Variants in ENDOV observed in about 807,000 individuals in gnomAD.
ENDOV encodes hEndoV.
ENDOV carries 37 observed loss-of-function variants against 39.4 expected under a neutral mutation model. That is an observed-to-expected ratio of 0.94 (90% confidence interval 0.72 to 1.23). The LOEUF (loss-of-function observed/expected upper bound fraction) is 1.23. Ranked by LOEUF, ENDOV falls within the 50% of genes most tolerant of loss-of-function variation. ENDOV has a pLI of 0.00. For missense variants in ENDOV, 441 were observed against 375.7 expected (o/e 1.17, Z -1.44); for synonymous variants, 186 against 163.4 (o/e 1.14, Z -1.05).
At chr17:80,428,474 C>CTG (rs2083001205) in intron 7 of ENDOV, 122 bp from the exon 8 acceptor site, 1 of 931,316 alleles carries the variant, frequency 1.1e-6, no homozygotes, top group Non-Finnish European at 1.6e-6. Flanking sequence ...GAAGAACTGG[C>CTG]TGTGACCTGT....
chr17:80,431,649 C>T (rs1288545973), intron 9 of ENDOV, among the ~76,000 whole-genome samples: 3 of 145,722 alleles, frequency 2.1e-5, no homozygotes, highest in Admixed American at 7.0e-5. Flanking sequence ...GTGTCAGTGG[C>T]CCCGGACTGG....
At position 80,428,585 on chromosome 17, in the gene ENDOV, G is replaced by A; in HGVS notation, c.715-11G>A. 1 of 1,574,860 alleles carries A rather than the reference G, an allele frequency of 6.3e-7. No homozygotes were observed. The highest frequency in any genetic ancestry group is 1.2e-5 in the South Asian group (1 of 85,612). ...CAGCTCAGCACCCAGCAGCACGTCT[G>A]TCTCCCCCAGGCTGACATCTGCTCC... On this transcript the variant is annotated splice_polypyrimidine_tract_variant and intron_variant, in intron 7 of 9. Transcript: ENST00000518137.
chr17:80,427,657 C>G, intron 7 of ENDOV: 2 of 1,239,848 alleles, frequency 1.6e-6, no homozygotes, highest in Middle Eastern at 2.3e-4. Flanking sequence ...AGCTCACTCA[C>G]CTCTCAACAG....
rs1184005988 is a variant in ENDOV at position 80,427,652 on chromosome 17, A to G, written c.715-944A>G. On this transcript the variant is annotated intron_variant, in intron 7 of 9. Coordinates refer to ENST00000518137, the MANE Select transcript of ENDOV (RefSeq NM_173627.5). Reference sequence around the variant, plus strand: ...CTCGGTCCATTTTCTTCCTGAGCTCACTCACCTCTCAACAGGTTCACCTCC... The same window carrying G: ...CTCGGTCCATTTTCTTCCTGAGCTCGCTCACCTCTCAACAGGTTCACCTCC... 1.6e-5 allele frequency: 20 copies of G among 1,215,732 alleles called. No homozygotes were observed. The South Asian group carries it at 2.2e-4, about 13-fold the overall frequency. 75.3% of individuals were successfully genotyped at this position (1,215,732 alleles called of 1,614,324 possible).
rs187938960 is a variant in ENDOV at position 80,415,307 on chromosome 17, G to A, written c.56+57G>A. 4 of 1,587,920 alleles carry A rather than the reference G, an allele frequency of 2.5e-6. No homozygotes were observed. In the East Asian group the frequency reaches 9.0e-5, roughly 36 times the overall value. ...GGGCCGAGGCCGGGCGGCCCTTCGC[G>A]GACCCTCCGAGCTCATAGTCTTCAG... On this transcript the variant is annotated intron_variant, in intron 1 of 9. Coordinates refer to ENST00000518137, the MANE Select transcript of ENDOV (RefSeq NM_173627.5).
chr17:80,435,385 G>T (rs1487583263), intron 9 of ENDOV, among the ~76,000 whole-genome samples: 1 of 152,182 alleles, frequency 6.6e-6, no homozygotes, highest in Non-Finnish European at 1.5e-5. Flanking sequence ...GATCCATTTT[G>T]ACTTAAATTT....
Position 80,425,072 on chromosome 17 carries a change from T to A in ENDOV, c.557T>A (p.Leu186Gln). ...LQTRGDSFPL[L>Q]GDSGTVLGMA... ...ACTCGAGGAGACTCATTCCCTCTGC[T>A]GGGAGACTCTGGGACTGTCCTGGGA... Residue 186 changes from leucine to glutamine, a missense_variant, in exon 6 of 10, where the codon CTG (leucine) becomes CAG (glutamine). Transcript: ENST00000518137. 6.2e-7 allele frequency: 1 copy of A among 1,611,308 alleles called. No homozygotes were observed. The highest frequency in any genetic ancestry group is 8.5e-7 in the Non-Finnish European group (1 of 1,178,822).
chr17:80,435,796 T>TC (rs35491764), intron 9 of ENDOV, among the ~76,000 whole-genome samples: 1 of 151,270 alleles, frequency 6.6e-6, no homozygotes, highest in African/African-American at 2.4e-5. Flanking sequence ...TTTTTTTTTT[T>TC]CAGTAGAGAC....
intron 9 of ENDOV, among the ~76,000 whole-genome samples, chr17:80,434,307 T>C (rs2083483586): frequency 6.6e-6 from 1 of 152,264 alleles, no homozygotes; most frequent in Non-Finnish European, 1.5e-5. Flanking sequence ...GGCTGAGTCA[T>C]ATTCCATCAT....
chr17:80,435,958 T>C (rs2083570376), intron 9 of ENDOV, among the ~76,000 whole-genome samples, 175 bp from the exon 10 acceptor site: 1 of 152,162 alleles, frequency 6.6e-6, no homozygotes. Flanking sequence ...TCTCACCATG[T>C]TACCCAGGCT....
intron 7 of ENDOV, among the ~76,000 whole-genome samples, chr17:80,426,068 C>T (rs937984611): frequency 6.6e-6 from 1 of 152,172 alleles, no homozygotes; most frequent in Non-Finnish European, 1.5e-5. Context: ...TTGGGTATGC[C>T]CGCCCCAGGA....
At chr17:80,424,752 G>A (rs1221756829) in intron 5 of ENDOV, among the ~76,000 whole-genome samples, 8 of 152,126 alleles carry the variant, frequency 5.3e-5, no homozygotes, top group African/African-American at 1.2e-4. Flanking sequence ...TTAGGAGATC[G>A]AGACCATCCT....
In ENDOV at chr17:80,428,624, G is replaced by A. The variant is rs762904750; in HGVS notation, c.743G>A (p.Arg248His). 6.3e-6 allele frequency: 10 copies of A among 1,585,602 alleles called. No homozygotes were observed. In the African/African-American group the frequency reaches 6.7e-5, roughly 11 times the overall value. The change falls in exon 8 of 10, where the codon CGC becomes CAC. Residue 248 changes from arginine (R) to histidine (H), a missense_variant. Physicochemically the swap from Arg to His is conservative, Grantham distance 29 (BLOSUM62 0). Transcript: ENST00000518137. Reference protein sequence around the residue: ...QADICSREHIRKSLGLPGPPT... With the variant: ...QADICSREHIHKSLGLPGPPT... ...GACATCTGCTCCCGAGAGCACATCC[G>A]CAAGTCGCTGGGACTCCCCGGGCCA... is the stretch of plus-strand genomic sequence containing the variant.
Position 80,425,502 on chromosome 17 carries a change from G to T in ENDOV, c.596G>T (p.Ser199Ile). 1 of 1,597,542 alleles carries T rather than the reference G, an allele frequency of 6.3e-7. No homozygotes were observed. The highest frequency in any genetic ancestry group is 8.5e-7 in the Non-Finnish European group (1 of 1,175,956). ...CCTTCCTTGTCACAGGCCCTGAGGA[G>T]CCACGACCGCAGCACCAGGCCCCTC... ...SGTVLGMALR[S>I]HDRSTRPLYI... The change falls in exon 7 of 10, where the codon AGC becomes ATC. Residue 199 changes from serine to isoleucine, a missense_variant. By Grantham distance (142) the Ser-to-Ile change is moderately radical. Coordinates refer to ENST00000518137, the MANE Select transcript of ENDOV (RefSeq NM_173627.5).
At chr17:80,431,221 C>G (rs1211247556) in intron 9 of ENDOV, among the ~76,000 whole-genome samples, 1 of 152,154 alleles carries the variant, frequency 6.6e-6, no homozygotes, top group Non-Finnish European at 1.5e-5. Context: ...TCCTGAGGAG[C>G]AGGGCGAGCC....
chr17:80,429,372 C>T (rs970763644), intron 8 of ENDOV, among the ~76,000 whole-genome samples: 1 of 152,218 alleles, frequency 6.6e-6, no homozygotes, highest in South Asian at 2.1e-4. Context: ...TCTGAGCCTC[C>T]AGGCTGAGAG....
intron 2 of ENDOV, chr17:80,420,075 T>G (rs2081786958): frequency 4.3e-6 from 1 of 234,172 alleles, no homozygotes; most frequent in Non-Finnish European, 8.7e-6. Context: ...CTCTGGAATA[T>G]TCTCTCTCGC....
In ENDOV at chr17:80,428,674, G is replaced by T. The variant is rs776994268; in HGVS notation, c.779+14G>T. On this transcript the variant is annotated intron_variant, in intron 8 of 9. Transcript: ENST00000518137. ...ACCCACACCGAGGTGAGCACCCAGG[G>T]AGGCTGGGGCACTAAAGGGGCATCT... 3 of 1,569,246 alleles carry T rather than the reference G, an allele frequency of 1.9e-6. No homozygotes were observed. The highest frequency in any genetic ancestry group is 1.4e-5 in the African/African-American group (1 of 74,050).
intron 2 of ENDOV, chr17:80,419,626 C>A (rs1269558175): frequency 2.8e-6 from 2 of 702,810 alleles, no homozygotes; most frequent in Non-Finnish European, 5.2e-6. Context: ...TCTTCCCTGC[C>A]TTCTGCTTGT....
Sources: allele counts gnomAD v4.1 joint callset (sites outside exome capture counted in the v4.1 genomes callset), GRCh38; gene constraint gnomAD v4.1.1; transcripts MANE v1.5; gene names NCBI Gene and HGNC (gene_info 2026-07-23, HGNC 2026-07-21).